Variants in NKAIN2 observed in about 807,000 individuals in gnomAD.
NKAIN2 encodes the protein sodium/potassium-transporting ATPase subunit beta-1-interacting protein 2.
A neutral mutation model predicts 32.6 loss-of-function variants in NKAIN2; 14 were observed. The observed-to-expected ratio is 0.43, with a 90% CI of 0.28 to 0.67. The LOEUF is 0.67. NKAIN2 is among the 30% of genes least tolerant of loss of function. The pLI is 0.17. For missense variants in NKAIN2, 198 were observed against 258.3 expected, an observed-to-expected ratio of 0.77 and a Z score of 1.60; for synonymous variants, 80 against 87.2, an observed-to-expected ratio of 0.92 and a Z score of 0.46.
chr6:124,395,079 C>A (rs1341747342), intron 3 of NKAIN2, among the ~76,000 whole-genome samples: 2 of 152,066 alleles, frequency 1.3e-5, no homozygotes, highest in African/African-American at 4.8e-5. Context: ...ATTTATAATA[C>A]CTCCTCTGTA....
intron 3 of NKAIN2, among the ~76,000 whole-genome samples, chr6:124,542,930 A>G (rs1453915246): frequency 6.6e-6 from 1 of 152,198 alleles, no homozygotes; most frequent in Non-Finnish European, 1.5e-5. Context: ...GTGTTCACCA[A>G]ACATTTTGAT....
At chr6:123,945,033 A>G (rs908517523) in intron 1 of NKAIN2, among the ~76,000 whole-genome samples, 6 of 152,154 alleles carry the variant, frequency 3.9e-5, no homozygotes, top group Non-Finnish European at 5.9e-5. Context: ...ATATTTGCAC[A>G]AAGTTATAAA....
chr6:124,322,265 A>G (rs1260406777), intron 2 of NKAIN2, among the ~76,000 whole-genome samples: 2 of 152,214 alleles, frequency 1.3e-5, no homozygotes, highest in Admixed American at 1.3e-4. Context: ...GTAAGTATCA[A>G]TGACTGGCTA....
rs555742039 is a variant in NKAIN2 at position 124,265,794 on chromosome 6, A to C, written c.55-17211A>C. Among the ~76,000 whole-genome samples, 10 of 152,358 alleles carry C rather than the reference A, an allele frequency of 6.6e-5. No homozygotes were observed. In the South Asian group the frequency reaches 2.1e-3, roughly 32 times the overall value. ...GGAACAAGTTGAAATGGAAAGCGGCAAAACAGTATAACACCTGGGTGATGT... is the reference window on the plus strand; with the variant it reads ...GGAACAAGTTGAAATGGAAAGCGGCCAAACAGTATAACACCTGGGTGATGT... On this transcript the variant is annotated intron_variant, in intron 1 of 6. Transcript: ENST00000368417.
At chr6:124,604,060 A>G (rs1466532923) in intron 3 of NKAIN2, among the ~76,000 whole-genome samples, 2 of 152,008 alleles carry the variant, frequency 1.3e-5, no homozygotes, top group African/African-American at 4.8e-5. Context: ...GAAGATATTA[A>G]TAGCTTTCTC....
intron 4 of NKAIN2, among the ~76,000 whole-genome samples, chr6:124,717,590 CAAT>C (rs1336630256): frequency 6.6e-6 from 1 of 152,026 alleles, no homozygotes; most frequent in Non-Finnish European, 1.5e-5. Context: ...TCCAGAATGA[CAAT>C]AACAGTAATT....
In NKAIN2 at chr6:124,734,602, G is replaced by A. The variant is rs118098550; in HGVS notation, c.475-56737G>A. Among the ~76,000 whole-genome samples the A allele has an allele frequency of 3.4e-3, 511 of 151,908 alleles. 2 individuals are homozygous for A. The highest frequency in any genetic ancestry group is 6.1e-3 in the Non-Finnish European group (416 of 67,840). The stretch of plus-strand genomic sequence containing the variant: ...ACTGACACTGGAGAACTTCCAGAAG[G>A]TACCTCCTAAGAAACCTTAACTGAC... On this transcript the variant is annotated intron_variant, in intron 4 of 6. Coordinates refer to ENST00000368417, the MANE Select transcript of NKAIN2 (RefSeq NM_001040214.3).
chr6:124,370,129 G>T (rs1049718708), intron 3 of NKAIN2, among the ~76,000 whole-genome samples: 1 of 150,478 alleles, frequency 6.6e-6, no homozygotes, highest in East Asian at 2.0e-4. Flanking sequence ...TGAACCTTTG[G>T]TTTAGTAGTT....
intron 3 of NKAIN2, among the ~76,000 whole-genome samples, chr6:124,517,712 A>C (rs9372781): frequency 0.14 from 20,949 of 152,190 alleles, 1,842 homozygotes; most frequent in East Asian, 0.32. Flanking sequence ...AGAAGAAAAT[A>C]ATCATATTAC....
At chr6:124,301,283 G>A (rs9491109) in intron 2 of NKAIN2, among the ~76,000 whole-genome samples, 15,109 of 152,248 alleles carry the variant, frequency 0.099, 760 homozygotes, top group East Asian at 0.16. Flanking sequence ...GTAAAGAATT[G>A]AGGTTCAGGA....
In NKAIN2 at chr6:124,219,642, T is replaced by A. The variant is rs1791701637; in HGVS notation, c.55-63363T>A. 2.0e-5 allele frequency among the ~76,000 whole-genome samples: 3 copies of A among 152,196 alleles called. No homozygotes were observed. In the South Asian group the frequency reaches 6.2e-4, roughly 32 times the overall value. ...AAGTGTAGAAGATATAAGCAACAGG[T>A]AAATTTTAAAAATTCATAAGAAATA... is the stretch of plus-strand genomic sequence containing the variant. On this transcript the variant is annotated intron_variant, in intron 1 of 6. Coordinates refer to ENST00000368417, the MANE Select transcript of NKAIN2 (RefSeq NM_001040214.3).
At chr6:124,556,030 ACTT>A (rs1277089440) in intron 3 of NKAIN2, among the ~76,000 whole-genome samples, 4 of 150,848 alleles carry the variant, frequency 2.7e-5, no homozygotes, top group African/African-American at 9.8e-5. Context: ...CCACATAAAA[ACTT>A]CTTCCAATTC....
chr6:124,387,831 T>TA (rs1237552815), intron 3 of NKAIN2, among the ~76,000 whole-genome samples: 1 of 152,092 alleles, frequency 6.6e-6, no homozygotes, highest in African/African-American at 2.4e-5. Flanking sequence ...GTCTGAGACC[T>TA]AATTGGTAGT....
At chr6:124,055,171 T>C (rs1190225500) in intron 1 of NKAIN2, among the ~76,000 whole-genome samples, 2 of 152,066 alleles carry the variant, frequency 1.3e-5, no homozygotes. Context: ...AAACAACTTA[T>C]ATTCTAAATT....
chr6:124,024,000 G>T (rs184974191), intron 1 of NKAIN2, among the ~76,000 whole-genome samples: 90 of 152,210 alleles, frequency 5.9e-4, no homozygotes, highest in Non-Finnish European at 9.1e-4. Flanking sequence ...CTTAAGAATT[G>T]TTAAATAGTT....
intron 3 of NKAIN2, among the ~76,000 whole-genome samples, chr6:124,373,569 AG>A (rs1562137732): frequency 6.6e-6 from 1 of 152,144 alleles, no homozygotes. Flanking sequence ...AGGGAAAGGA[AG>A]AGAGCTGAGA....
At chr6:124,071,956 T>C (rs920642450) in intron 1 of NKAIN2, among the ~76,000 whole-genome samples, 1 of 152,120 alleles carries the variant, frequency 6.6e-6, no homozygotes, top group African/African-American at 2.4e-5. Context: ...CCATTCCAAG[T>C]AGCAATACCA....
At chr6:124,651,891 G>A (rs1784381713) in intron 3 of NKAIN2, among the ~76,000 whole-genome samples, 2 of 152,108 alleles carry the variant, frequency 1.3e-5, no homozygotes, top group East Asian at 1.9e-4. Flanking sequence ...TATCAAATGT[G>A]TACTTGGCCA....
At chr6:124,435,468 G>C (rs1356500301) in intron 3 of NKAIN2, among the ~76,000 whole-genome samples, 1 of 152,160 alleles carries the variant, frequency 6.6e-6, no homozygotes, top group Non-Finnish European at 1.5e-5. Context: ...TGCTGTATAT[G>C]TATTAAATCT....
Sources: allele counts gnomAD v4.1 joint callset (sites outside exome capture counted in the v4.1 genomes callset), GRCh38; gene constraint gnomAD v4.1.1; transcripts MANE v1.5; gene names NCBI Gene and HGNC (gene_info 2026-07-23, HGNC 2026-07-21).